The following PSD3 variants were observed in gnomAD, a reference collection of about 807,000 sequenced individuals.
The protein encoded by PSD3 is PH and SEC7 domain-containing protein 3.
PSD3 carries 49 observed loss-of-function variants against 105.5 expected under a neutral mutation model. That is an observed-to-expected ratio of 0.46 (90% CI 0.37 to 0.59). PSD3 has a LOEUF of 0.59. Among genes scored for constraint, PSD3 ranks in the 20% least tolerant of loss-of-function variants. The pLI is 0.00. For missense variants in PSD3, 1,561 were observed against 1,263.8 expected (o/e 1.24, Z -3.57); for synonymous variants, 557 against 457.8 (o/e 1.22, Z -2.77).
chr8:18,763,319 A>C (rs2129443352), intron 9 of PSD3, among the ~76,000 whole-genome samples: 1 of 152,330 alleles, frequency 6.6e-6, no homozygotes, highest in Admixed American at 6.5e-5. Flanking sequence ...ACACAAAAAA[A>C]ACTTAATGTC....
chr8:18,595,763 T>G (rs906431260), intron 12 of PSD3, among the ~76,000 whole-genome samples: 2 of 151,996 alleles, frequency 1.3e-5, no homozygotes, highest in African/African-American at 4.8e-5. Context: ...CGTAAATATA[T>G]AGAGTAAACA....
chr8:18,782,659 G>C (rs144908591), intron 8 of PSD3, among the ~76,000 whole-genome samples: 61 of 152,332 alleles, frequency 4.0e-4, no homozygotes, highest in African/African-American at 1.4e-3. Flanking sequence ...TGGATTGTCT[G>C]TGTGCTAGCA....
chr8:18,858,963 G>C (rs565266642), intron 4 of PSD3, among the ~76,000 whole-genome samples: 36 of 152,236 alleles, frequency 2.4e-4, no homozygotes, highest in African/African-American at 8.4e-4. Context: ...ATCTAGAATG[G>C]TGAATCCTTT....
chr8:18,614,134 C>T (rs891584740), intron 11 of PSD3, among the ~76,000 whole-genome samples: 1 of 152,172 alleles, frequency 6.6e-6, no homozygotes, highest in African/African-American at 2.4e-5. Flanking sequence ...CCTGGGGTTT[C>T]CTCTAATCAC....
chr8:18,971,406 G>A (rs1475048806), intron 1 of PSD3, among the ~76,000 whole-genome samples: 1 of 152,172 alleles, frequency 6.6e-6, no homozygotes, highest in African/African-American at 2.4e-5. Flanking sequence ...CCTGAATACT[G>A]TCATGAGGAC....
chr8:18,752,554 A>ATAT (rs60557005), intron 9 of PSD3, among the ~76,000 whole-genome samples: 4 of 19,678 alleles, frequency 2.0e-4, no homozygotes, highest in East Asian at 2.3e-3. Context: ...TATTATATAT[A>ATAT]ATTATATATA....
chr8:18,780,284 C>G lies in PSD3; in HGVS notation c.2083-14746G>C, dbSNP rs555161421. The stretch of plus-strand genomic sequence containing the variant: ...CATGGATTATCTTTTTCCATCCCTT[C>G]ACTTTGAGTCTACGTGTCTTTACCA... On this transcript the variant is annotated intron_variant, in intron 8 of 15. Transcript: ENST00000327040. Among the ~76,000 whole-genome samples, 46 of 152,206 alleles carry G rather than the reference C, an allele frequency of 3.0e-4. No individual in the cohort carries two copies. In the South Asian group the frequency reaches 9.1e-3, roughly 30 times the overall value.
intron 11 of PSD3, among the ~76,000 whole-genome samples, chr8:18,602,192 G>A (rs1804487059): frequency 6.6e-6 from 1 of 150,886 alleles, no homozygotes. Context: ...GATCCCTTTA[G>A]TTCAAAAATC....
intron 11 of PSD3, among the ~76,000 whole-genome samples, chr8:18,614,257 C>T (rs1162300186): frequency 6.6e-6 from 1 of 152,096 alleles, no homozygotes; most frequent in Non-Finnish European, 1.5e-5. Flanking sequence ...TATTAAGCTT[C>T]TCCAGCATTA....
intron 9 of PSD3, among the ~76,000 whole-genome samples, chr8:18,696,238 ACCT>A: frequency 6.6e-6 from 1 of 151,632 alleles, no homozygotes; most frequent in Non-Finnish European, 1.5e-5. Context: ...CTTCCTTTCC[ACCT>A]CCTCCTCACC....
chr8:18,864,531 A>G (rs536403564), intron 4 of PSD3: 2 of 152,316 alleles, frequency 1.3e-5, no homozygotes, highest in Non-Finnish European at 2.9e-5. Context: ...TCCTTGGTTC[A>G]TGTCTACCAA....
At position 19,007,673 on chromosome 8, in the gene PSD3, G is replaced by GT. The variant is rs1052628684; in HGVS notation, c.21+5889dup. ...AGGTTTGCCTAGGTCAGTGGACAAG[G>GT]TTTTTTGGAGTGTACACTGAGCTCA... On this transcript the variant is annotated intron_variant, in intron 1 of 15. Transcript: ENST00000327040. Among the ~76,000 whole-genome samples the GT allele has an allele frequency of 9.6e-4, 144 of 149,924 alleles. 1 individual carries two copies. The highest frequency in any genetic ancestry group is 3.3e-3 in the African/African-American group (138 of 41,362).
At chr8:19,050,470 A>C (rs1386369169) in intron 1 of PSD3, among the ~76,000 whole-genome samples, 1 of 152,236 alleles carries the variant, frequency 6.6e-6, no homozygotes, top group Non-Finnish European at 1.5e-5. Flanking sequence ...GATTAAGAAA[A>C]TGTGGCACAT....
chr8:19,067,101 G>A (rs1002467854), intron 1 of PSD3, among the ~76,000 whole-genome samples: 2 of 152,204 alleles, frequency 1.3e-5, no homozygotes, highest in Non-Finnish European at 2.9e-5. Context: ...AGACTGATGA[G>A]TTCTTTGGGC....
chr8:18,915,017 C>G (rs548527625), intron 2 of PSD3, among the ~76,000 whole-genome samples: 3 of 151,172 alleles, frequency 2.0e-5, no homozygotes, highest in African/African-American at 7.4e-5. Flanking sequence ...ACCAATGGAA[C>G]AGAATAGGAA....
chr8:18,616,633 T>G (rs1402356226), intron 11 of PSD3, among the ~76,000 whole-genome samples: 1 of 133,768 alleles, frequency 7.5e-6, no homozygotes, highest in East Asian at 2.0e-4. Flanking sequence ...CTTTTCTTTT[T>G]TTTTTTTTGA....
At chr8:18,583,736 G>A (rs951066777) in intron 12 of PSD3, among the ~76,000 whole-genome samples, 1 of 152,126 alleles carries the variant, frequency 6.6e-6, no homozygotes, top group African/African-American at 2.4e-5. Flanking sequence ...TTCCATATGT[G>A]TTTCCATAGC....
At chr8:18,876,531 C>G (rs1817744921) in intron 2 of PSD3, among the ~76,000 whole-genome samples, 1 of 152,038 alleles carries the variant, frequency 6.6e-6, no homozygotes, top group South Asian at 2.1e-4. Flanking sequence ...GGACTATAGG[C>G]ACAGGCATGC....
chr8:18,851,213 C>A (rs528593318), intron 4 of PSD3, among the ~76,000 whole-genome samples: 1 of 152,310 alleles, frequency 6.6e-6, no homozygotes, highest in Non-Finnish European at 1.5e-5. Context: ...ATAGTCCCAT[C>A]TTGCAAGTAA....
Sources: allele counts gnomAD v4.1 joint callset (sites outside exome capture counted in the v4.1 genomes callset), GRCh38; gene constraint gnomAD v4.1.1; transcripts MANE v1.5; gene names NCBI Gene and HGNC (gene_info 2026-07-23, HGNC 2026-07-21).